Variants in BRMS1L observed in about 807,000 individuals in gnomAD.
The protein encoded by BRMS1L is breast cancer metastasis-suppressor 1-like protein.
Under a neutral mutation model 50.3 loss-of-function variants are expected in BRMS1L, and 23 were observed. The observed-to-expected ratio is 0.46, with a 90% confidence interval of 0.33 to 0.65. The LOEUF (loss-of-function observed/expected upper bound fraction) is 0.65, where lower values mean the gene tolerates loss of function less well. Among genes scored for constraint, BRMS1L ranks in the 30% least tolerant of loss-of-function variants. BRMS1L has a pLI of 0.02. For missense variants in BRMS1L, 286 were observed against 386.1 expected (o/e 0.74, Z 2.17); for synonymous variants, 114 against 126.9 (o/e 0.90, Z 0.69).
At chr14:35,828,679 C>T (rs2077879196) in intron 1 of BRMS1L, among the ~76,000 whole-genome samples, 2 of 152,032 alleles carry the variant, frequency 1.3e-5, no homozygotes, top group South Asian at 4.2e-4. Context: ...TGGTCTTGAA[C>T]TCCTGACCTC....
intron 3 of BRMS1L, among the ~76,000 whole-genome samples, chr14:35,833,313 A>G (rs2077949807): frequency 1.3e-5 from 2 of 152,042 alleles, no homozygotes; most frequent in Admixed American, 1.3e-4. Context: ...AAAAAAAAAA[A>G]AAGCCCTCAA....
chr14:35,870,192 A>G (rs2078473514), intron 9 of BRMS1L, among the ~76,000 whole-genome samples, 168 bp from the exon 10 acceptor site: 1 of 152,010 alleles, frequency 6.6e-6, no homozygotes, highest in Non-Finnish European at 1.5e-5. Context: ...TGAATGTGAT[A>G]TTTTTGGCAG....
intron 1 of BRMS1L, among the ~76,000 whole-genome samples, chr14:35,828,910 A>AT (rs1490116865): frequency 6.6e-6 from 1 of 152,042 alleles, no homozygotes; most frequent in African/African-American, 2.4e-5. Flanking sequence ...AAAGCGGGGA[A>AT]TATAGAGAAA....
chr14:35,842,324 C>G (rs570072957), intron 4 of BRMS1L, among the ~76,000 whole-genome samples: 75 of 152,096 alleles, frequency 4.9e-4, no homozygotes, highest in African/African-American at 1.6e-3. Flanking sequence ...CCAGTTTTTC[C>G]TTTTCATATT....
Position 35,826,464 on chromosome 14 carries a change from CG to C in BRMS1L, c.-51del, listed in dbSNP as rs1193665592. 1 of 1,550,504 alleles carries C rather than the reference CG, an allele frequency of 6.4e-7. No homozygotes were observed. The highest frequency in any genetic ancestry group is 8.7e-7 in the Non-Finnish European group (1 of 1,147,654). Reference sequence around the variant, plus strand: ...GCGTTCCGCGCGCCCTTCATTGAAGCGGCGGTGGCCGGGCTGGGCGCCGGTA... The same window carrying C: ...GCGTTCCGCGCGCCCTTCATTGAAGCGCGGTGGCCGGGCTGGGCGCCGGTA... On this transcript the variant is annotated 5_prime_UTR_variant, in exon 1 of 10. Coordinates refer to ENST00000216807, the MANE Select transcript of BRMS1L (RefSeq NM_032352.4).
chr14:35,832,728 T>C (rs557732149), intron 2 of BRMS1L, among the ~76,000 whole-genome samples: 23 of 152,346 alleles, frequency 1.5e-4, no homozygotes, highest in South Asian at 8.3e-4. Flanking sequence ...TGCCAAAAAG[T>C]AGTTATTTCA....
At chr14:35,856,664 T>C (rs1328405305) in intron 4 of BRMS1L, among the ~76,000 whole-genome samples, 1 of 151,196 alleles carries the variant, frequency 6.6e-6, no homozygotes, top group African/African-American at 2.4e-5. Context: ...CCGGGTGGAG[T>C]GTAGTGGCGC....
chr14:35,856,307 G>C (rs773666622), intron 4 of BRMS1L, among the ~76,000 whole-genome samples: 1 of 152,120 alleles, frequency 6.6e-6, no homozygotes, highest in African/African-American at 2.4e-5. Context: ...AAGACAGGTG[G>C]AGATGCTTTA....
intron 4 of BRMS1L, among the ~76,000 whole-genome samples, chr14:35,851,356 T>G (rs1262715939): frequency 7.0e-6 from 1 of 142,074 alleles, no homozygotes; most frequent in African/African-American, 2.7e-5. Context: ...TGAAGTGATT[T>G]CCAGATGTCT....
At chr14:35,831,990 C>G (rs1182068621) in intron 2 of BRMS1L, among the ~76,000 whole-genome samples, 1 of 151,946 alleles carries the variant, frequency 6.6e-6, no homozygotes, top group Non-Finnish European at 1.5e-5. Context: ...GTATCATACT[C>G]TAAAGGTATT....
In BRMS1L at chr14:35,837,637, G is replaced by C. The variant is rs553964692; in HGVS notation, c.441+2714G>C. ...GTGATCCTGGCTCACTGCATCCTCT[G>C]CCTCCCGAGTTCAAGCGATTCTCCT... On this transcript the variant is annotated intron_variant, in intron 4 of 9. Coordinates refer to ENST00000216807, the MANE Select transcript of BRMS1L (RefSeq NM_032352.4). Among the ~76,000 whole-genome samples, 9 of 152,088 alleles carry C rather than the reference G, an allele frequency of 5.9e-5. No individual in the cohort carries two copies. The East Asian group carries it at 1.7e-3, about 30-fold the overall frequency.
intron 1 of BRMS1L, 24 bp downstream of exon 1, chr14:35,826,682 C>G: frequency 6.2e-7 from 1 of 1,606,222 alleles, no homozygotes; most frequent in Non-Finnish European, 8.5e-7. Context: ...TGCTGGGACC[C>G]TGAGTCCCCG....
chr14:35,866,013 A>G (rs987679205), intron 8 of BRMS1L: 4 of 410,840 alleles, frequency 9.7e-6, no homozygotes, highest in Admixed American at 4.3e-5. Context: ...TCAAAAAAGT[A>G]TTTATGCAGT....
At position 35,864,941 on chromosome 14, in the gene BRMS1L, A is replaced by G; in HGVS notation, c.629A>G (p.Tyr210Cys). 2 of 1,573,032 alleles carry G rather than the reference A, an allele frequency of 1.3e-6. No homozygotes were observed. The highest frequency in any genetic ancestry group is 2.3e-5 in the East Asian group (1 of 42,592). The stretch of plus-strand genomic sequence containing the variant: ...TTGACCTTGACTATTCAACGTCCAT[A>G]TATAGTTTATATGCTACAAGATCTT... ...KKKPVVVSGP[Y>C]IVYMLQDLDI... The change falls in exon 7 of 10, where the codon TAT (tyrosine) becomes TGT (cysteine). Residue 210 changes from tyrosine (Y) to cysteine (C), a missense_variant. Transcript: ENST00000216807.
rs573656664 is a variant in BRMS1L, at chr14:35,847,199, G to A, written c.441+12276G>A. ...TTGCCATGTTGCTCTGGCTGGTCTC[G>A]AACTCCTGGGCTCAAGCGATCTGCC... On this transcript the variant is annotated intron_variant, in intron 4 of 9. Transcript: ENST00000216807. 5.9e-5 allele frequency among the ~76,000 whole-genome samples: 9 copies of A among 152,112 alleles called. No individual in the cohort carries two copies. The South Asian group carries it at 6.2e-4, about 11-fold the overall frequency.
chr14:35,839,016 A>G (rs182017858), intron 4 of BRMS1L, among the ~76,000 whole-genome samples: 35 of 152,266 alleles, frequency 2.3e-4, no homozygotes, highest in African/African-American at 7.9e-4. Context: ...CTTATGTTTA[A>G]GTCTTTAATC....
chr14:35,861,904 G>A (rs575417122), intron 4 of BRMS1L, among the ~76,000 whole-genome samples: 25 of 152,156 alleles, frequency 1.6e-4, no homozygotes, highest in African/African-American at 2.4e-4. Flanking sequence ...TATATATTAT[G>A]TACATTTTAT....
chr14:35,835,493 T>A (rs2077979399), intron 4 of BRMS1L, among the ~76,000 whole-genome samples: 1 of 152,220 alleles, frequency 6.6e-6, no homozygotes, highest in Non-Finnish European at 1.5e-5. Flanking sequence ...CCCACAAGCT[T>A]AACATTCCAG....
At chr14:35,833,579 T>C (rs546822741) in intron 3 of BRMS1L, among the ~76,000 whole-genome samples, 4 of 152,304 alleles carry the variant, frequency 2.6e-5, no homozygotes, top group Middle Eastern at 3.4e-3. Flanking sequence ...TTTTCCTTTT[T>C]ACTTTGATAA....
Sources: gnomAD v4.1 joint callset for allele counts (sites outside exome capture counted in the v4.1 genomes callset) on GRCh38, gnomAD v4.1.1 for gene constraint, MANE v1.5 for transcripts, NCBI Gene and HGNC (gene_info 2026-07-23, HGNC 2026-07-21) for gene names.